PTPRM: variants seen among roughly 807,000 people sequenced by gnomAD.
PTPRM encodes the protein receptor-type tyrosine-protein phosphatase mu.
A neutral mutation model predicts 186.7 loss-of-function variants in PTPRM; 47 were observed. That is an observed-to-expected ratio of 0.25 (90% confidence interval 0.20 to 0.32). The LOEUF (loss-of-function observed/expected upper bound fraction) is 0.32. PTPRM is among the 10% of genes least tolerant of loss of function. The probability of loss-of-function intolerance (pLI) is 1.00; values close to 1 mark genes in which losing one functional copy is unlikely to be tolerated. For missense variants in PTPRM, 1,494 were observed against 1,865.0 expected (o/e 0.80, Z 3.66); for synonymous variants, 668 against 674.9 (o/e 0.99, Z 0.16).
intron 13 of PTPRM, among the ~76,000 whole-genome samples, chr18:8,140,425 T>A (rs2092738106): frequency 7.9e-6 from 1 of 126,210 alleles, no homozygotes; most frequent in Non-Finnish European, 1.6e-5. Context: ...GGTTAATCAT[T>A]CCATTTGTTT....
intron 2 of PTPRM, among the ~76,000 whole-genome samples, chr18:7,864,380 G>T (rs1193206824): frequency 6.6e-6 from 1 of 152,182 alleles, no homozygotes; most frequent in Non-Finnish European, 1.5e-5. Context: ...TGTGTAAGGT[G>T]TAAGGAAGGT....
At chr18:7,916,347 AT>A (rs1397173966) in intron 4 of PTPRM, among the ~76,000 whole-genome samples, 1 of 152,216 alleles carries the variant, frequency 6.6e-6, no homozygotes, top group African/African-American at 2.4e-5. Context: ...TATTCACATT[AT>A]TTTTTTAACT....
chr18:8,369,627 C>G (rs1435413374), intron 23 of PTPRM, among the ~76,000 whole-genome samples: 1 of 152,096 alleles, frequency 6.6e-6, no homozygotes, highest in East Asian at 1.9e-4. Flanking sequence ...CTGGCAGGAC[C>G]TCCAAGGGAA....
At chr18:8,289,535 C>CATATATATAT (rs2095007020) in intron 19 of PTPRM, among the ~76,000 whole-genome samples, 2 of 65,008 alleles carry the variant, frequency 3.1e-5, no homozygotes, top group African/African-American at 1.0e-4. Flanking sequence ...CATATATATA[C>CATATATATAT]ACATATATAT....
chr18:7,811,902 C>T (rs1164266722), intron 2 of PTPRM, among the ~76,000 whole-genome samples: 1 of 152,090 alleles, frequency 6.6e-6, no homozygotes, highest in African/African-American at 2.4e-5. Flanking sequence ...TATATGGCAG[C>T]CTCTTCCTGA....
At chr18:8,126,014 TATATATA>T (rs1404669146) in intron 13 of PTPRM, among the ~76,000 whole-genome samples, 529 of 24,608 alleles carry the variant, frequency 0.021, 44 homozygotes, top group Middle Eastern at 0.052. Context: ...TATATATATA[TATATATA>T]TATATATTTT....
At chr18:7,627,356 A>C (rs1193995546) in intron 1 of PTPRM, among the ~76,000 whole-genome samples, 1 of 152,164 alleles carries the variant, frequency 6.6e-6, no homozygotes, top group African/African-American at 2.4e-5. Context: ...CAGGCGGGGA[A>C]GCATTTTATT....
chr18:7,961,698 T>C (rs2053691440), intron 7 of PTPRM, among the ~76,000 whole-genome samples: 1 of 152,230 alleles, frequency 6.6e-6, no homozygotes, highest in African/African-American at 2.4e-5. Context: ...GCTAGCCTGC[T>C]GCTTGCTGGG....
intron 11 of PTPRM, among the ~76,000 whole-genome samples, chr18:8,093,113 C>T (rs2090835682): frequency 6.6e-6 from 1 of 151,858 alleles, no homozygotes; most frequent in African/African-American, 2.4e-5. Context: ...GGTTATGAAG[C>T]ATAAAGCATG....
intron 14 of PTPRM, among the ~76,000 whole-genome samples, chr18:8,235,456 C>CTTTTT (rs58166609): frequency 8.8e-5 from 9 of 102,312 alleles, no homozygotes; most frequent in African/African-American, 2.0e-4. Context: ...TCTGTGTCTT[C>CTTTTT]TTTTTTTTTT....
At chr18:8,281,935 A>G (rs2094908212) in intron 19 of PTPRM, among the ~76,000 whole-genome samples, 1 of 152,206 alleles carries the variant, frequency 6.6e-6, no homozygotes, top group African/African-American at 2.4e-5. Context: ...TCCATTAAAG[A>G]AGAAAATCAA....
intron 25 of PTPRM, 75 bp from the exon 26 acceptor site, chr18:8,376,387 C>T (rs1402818433): frequency 1.6e-5 from 26 of 1,599,022 alleles, no homozygotes; most frequent in East Asian, 2.2e-5. Flanking sequence ...AATTTCACCT[C>T]GATAAAAAAT....
At chr18:7,956,651 A>G (rs2053332881) in intron 7 of PTPRM, among the ~76,000 whole-genome samples, 1 of 152,134 alleles carries the variant, frequency 6.6e-6, no homozygotes, top group South Asian at 2.1e-4. Context: ...TGCTGTTTTG[A>G]TTTGGTGATT....
At chr18:7,881,472 C>T (rs907559713) in intron 2 of PTPRM, among the ~76,000 whole-genome samples, 9 of 152,192 alleles carry the variant, frequency 5.9e-5, no homozygotes, top group Admixed American at 3.3e-4. Context: ...CCTATTATTT[C>T]GTACTGAGTT....
chr18:8,379,217 A>C lies in PTPRM; in HGVS notation c.3663A>C (p.Ala1221=), dbSNP rs1299034402. The change falls in exon 28 of 33, where the codon GCA becomes GCC. Residue 1221 remains alanine, a synonymous_variant. Coordinates refer to ENST00000580170, the MANE Select transcript of PTPRM (RefSeq NM_001105244.2). ...PTLRVEDCSI[A]LLPRNHEKNR... ...TGCGAGTAGAGGACTGCAGCATCGC[A>C]CTGTTGCCCCGGAACCATGAGAAAA... is the stretch of plus-strand genomic sequence containing the variant. 6.2e-7 allele frequency: 1 copy of C among 1,613,952 alleles called. No homozygotes were observed. Among genetic ancestry groups the C allele is most frequent in the East Asian group, 2.2e-5 (1 of 44,866 alleles).
intron 7 of PTPRM, among the ~76,000 whole-genome samples, chr18:8,025,585 A>G (rs1377695300): frequency 6.6e-6 from 1 of 152,180 alleles, no homozygotes; most frequent in Non-Finnish European, 1.5e-5. Context: ...TTTATTTTTT[A>G]TATCTGTATT....
At chr18:8,240,826 GAA>G (rs879524843) in intron 14 of PTPRM, among the ~76,000 whole-genome samples, 835 of 23,516 alleles carry the variant, frequency 0.036, 16 homozygotes, top group Non-Finnish European at 0.047. Flanking sequence ...GAGAGAGAGA[GAA>G]AGAAAGAAAG....
intron 14 of PTPRM, among the ~76,000 whole-genome samples, chr18:8,235,382 A>G (rs1158538773): frequency 6.8e-6 from 1 of 146,640 alleles, no homozygotes; most frequent in Admixed American, 6.8e-5. Flanking sequence ...AATATTCTTT[A>G]TTATCCTTTT....
rs144413274 is a variant in PTPRM, at chr18:7,933,007, A to G, written c.663+6324A>G. Among the ~76,000 whole-genome samples, 86 of 152,344 alleles carry G rather than the reference A, an allele frequency of 5.6e-4. 1 individual carries two copies. The East Asian group carries it at 6.8e-3, about 12-fold the overall frequency. ...ATTGTGCACCATTCTGAGGAGCACA[A>G]TGAAAAGTTATTCTGGCCCACCCTG... On this transcript the variant is annotated intron_variant, in intron 5 of 32. Transcript: ENST00000580170.
Sources: gnomAD v4.1 joint callset for allele counts (sites outside exome capture counted in the v4.1 genomes callset) on GRCh38, gnomAD v4.1.1 for gene constraint, MANE v1.5 for transcripts, NCBI Gene and HGNC (gene_info 2026-07-23, HGNC 2026-07-21) for gene names.